FAF1: variants seen among roughly 807,000 people sequenced by gnomAD.
The protein encoded by FAF1 is FAS-associated factor 1.
In FAF1, 25 loss-of-function variants were observed where a neutral mutation model predicts 92.5. The observed-to-expected ratio is 0.27, with a 90% confidence interval of 0.20 to 0.38. FAF1 has a LOEUF of 0.38. FAF1 is among the 10% of genes least tolerant of loss of function. The probability of loss-of-function intolerance (pLI) is 1.00; values close to 1 mark genes in which losing one functional copy is unlikely to be tolerated. For synonymous variants in FAF1, 234 were observed against 273.2 expected (o/e 0.86, Z 1.42); for missense variants, 636 against 793.3 (o/e 0.80, Z 2.38).
At chr1:50,852,951 T>C (rs1031308504) in intron 2 of FAF1, among the ~76,000 whole-genome samples, 1 of 152,098 alleles carries the variant, frequency 6.6e-6, no homozygotes, top group Non-Finnish European at 1.5e-5. Flanking sequence ...GAAGCAGAAA[T>C]TGATATGATG....
chr1:50,687,355 C>CAAAAA (rs78325708), intron 7 of FAF1, among the ~76,000 whole-genome samples: 1 of 83,790 alleles, frequency 1.2e-5, no homozygotes, highest in African/African-American at 4.2e-5. Context: ...TTTTATCAAT[C>CAAAAA]AAAAAAAAAA....
chr1:50,652,863 C>T (rs184208729), intron 8 of FAF1, among the ~76,000 whole-genome samples: 36 of 152,234 alleles, frequency 2.4e-4, no homozygotes, highest in African/African-American at 6.3e-4. Flanking sequence ...AATGTCGACT[C>T]ATTTACTGAG....
At chr1:50,444,181 T>C (rs1646201689) in intron 18 of FAF1, among the ~76,000 whole-genome samples, 1 of 152,228 alleles carries the variant, frequency 6.6e-6, no homozygotes, top group Non-Finnish European at 1.5e-5. Context: ...TAGGACATCA[T>C]GTTTCTCCCC....
At chr1:50,656,325 C>A (rs1256168686) in intron 7 of FAF1, among the ~76,000 whole-genome samples, 5 of 149,756 alleles carry the variant, frequency 3.3e-5, no homozygotes, top group East Asian at 2.0e-4. Context: ...GAGTGAGACT[C>A]CATCTCCCTA....
At chr1:50,768,437 T>G (rs1490271204) in intron 4 of FAF1, among the ~76,000 whole-genome samples, 1 of 152,028 alleles carries the variant, frequency 6.6e-6, no homozygotes, top group East Asian at 1.9e-4. Flanking sequence ...CAAAAGAACC[T>G]GACAGATATC....
chr1:50,473,903 G>T (rs1338061742), intron 18 of FAF1, among the ~76,000 whole-genome samples: 9 of 152,096 alleles, frequency 5.9e-5, no homozygotes, highest in Non-Finnish European at 8.8e-5. Context: ...GGTATGCTAG[G>T]TTACTATACC....
intron 1 of FAF1, among the ~76,000 whole-genome samples, chr1:50,932,782 C>A (rs1020258391): frequency 6.6e-6 from 1 of 152,238 alleles, no homozygotes; most frequent in African/African-American, 2.4e-5. Flanking sequence ...AGGTTCTCCA[C>A]GAGAGCCCCA....
intron 8 of FAF1, chr1:50,612,387 G>T: frequency 8.3e-7 from 1 of 1,205,354 alleles, no homozygotes; most frequent in Non-Finnish European, 1.1e-6. Context: ...TTCCGTTAGT[G>T]GAGAAACCTC....
At chr1:50,634,706 T>C (rs1378436228) in intron 8 of FAF1, among the ~76,000 whole-genome samples, 1 of 152,168 alleles carries the variant, frequency 6.6e-6, no homozygotes, top group Non-Finnish European at 1.5e-5. Flanking sequence ...TTAAATGCAA[T>C]TTAGAGCCAA....
At chr1:50,720,520 G>T (rs558205109) in intron 6 of FAF1, among the ~76,000 whole-genome samples, 1 of 152,022 alleles carries the variant, frequency 6.6e-6, no homozygotes. Context: ...AAATATTGAC[G>T]GAGTTCAGGA....
chr1:50,695,838 AG>A (rs1657182259), intron 7 of FAF1, among the ~76,000 whole-genome samples: 1 of 151,804 alleles, frequency 6.6e-6, no homozygotes, highest in African/African-American at 2.4e-5. Flanking sequence ...TAGTAGAGAC[AG>A]GGTTTTGCCA....
At chr1:50,940,957 T>C (rs1645127791) in intron 1 of FAF1, among the ~76,000 whole-genome samples, 1 of 151,996 alleles carries the variant, frequency 6.6e-6, no homozygotes, top group Admixed American at 6.6e-5. Flanking sequence ...CTACAATAAA[T>C]TTTAAAAATC....
chr1:50,562,965 C>T (rs574472474), intron 13 of FAF1, among the ~76,000 whole-genome samples: 1 of 152,202 alleles, frequency 6.6e-6, no homozygotes, highest in Non-Finnish European at 1.5e-5. Flanking sequence ...GTCATTTTAC[C>T]TAAACAATAC....
At chr1:50,584,611 T>TTA in intron 10 of FAF1, 74 bp downstream of exon 10, 2 of 1,459,542 alleles carry the variant, frequency 1.4e-6, no homozygotes, top group African/African-American at 2.8e-5. Flanking sequence ...ATGTTTAAGT[T>TTA]TAATGTTCTT....
chr1:50,582,851 T>C, intron 11 of FAF1, 152 bp from the exon 12 acceptor site: 1 of 586,144 alleles, frequency 1.7e-6, no homozygotes, highest in Non-Finnish European at 3.0e-6. Flanking sequence ...GGAAATGAGC[T>C]TTATTGGTTT....
intron 8 of FAF1, among the ~76,000 whole-genome samples, chr1:50,607,466 A>C (rs1252364615): frequency 6.6e-6 from 1 of 152,138 alleles, no homozygotes; most frequent in African/African-American, 2.4e-5. Flanking sequence ...CCACCTTTCC[A>C]GCCATTACCT....
intron 4 of FAF1, among the ~76,000 whole-genome samples, chr1:50,784,316 A>C (rs1661287927): frequency 6.6e-6 from 1 of 152,156 alleles, no homozygotes; most frequent in African/African-American, 2.4e-5. Context: ...AAAACTTAGA[A>C]CTAATAAATA....
intron 7 of FAF1, among the ~76,000 whole-genome samples, chr1:50,660,413 T>C (rs1655320567): frequency 6.6e-6 from 1 of 152,188 alleles, no homozygotes; most frequent in Non-Finnish European, 1.5e-5. Context: ...GTCATTCAGG[T>C]ATTATTCTCG....
At chr1:50,902,364 TAAAGA>T (rs1303622571) in intron 1 of FAF1, among the ~76,000 whole-genome samples, 2 of 152,212 alleles carry the variant, frequency 1.3e-5, no homozygotes, top group African/African-American at 4.8e-5. Context: ...TCTTAGAAAT[TAAAGA>T]AAACATTTCA....
Sources: allele counts gnomAD v4.1 joint callset (sites outside exome capture counted in the v4.1 genomes callset), GRCh38; gene constraint gnomAD v4.1.1; transcripts MANE v1.5; gene names NCBI Gene and HGNC (gene_info 2026-07-23, HGNC 2026-07-21).